The following ZNF226 variants were observed in gnomAD, a reference collection of about 807,000 sequenced individuals.
The protein encoded by ZNF226 is Kruppel-associated box protein.
Under a neutral mutation model 11.4 loss-of-function variants are expected in ZNF226, and 6 were observed. The ratio of observed to expected loss-of-function variants is 0.53; its 90% confidence interval spans 0.29 to 1.04. The LOEUF is 1.04. Among genes scored for constraint, ZNF226 ranks in the 50% least tolerant of loss-of-function variants. The probability of loss-of-function intolerance (pLI) is 0.08; values close to 1 mark genes in which losing one functional copy is unlikely to be tolerated. For synonymous variants in ZNF226, 350 were observed against 322.8 expected (o/e 1.08, Z -0.90); for missense variants, 1,058 against 956.5 (o/e 1.11, Z -1.40).
chr19:44,175,826 G>A lies in ZNF226; in HGVS notation c.564G>A (p.Gln188=), dbSNP rs1187470669. 6.2e-7 allele frequency: 1 copy of A among 1,613,544 alleles called. No individual in the cohort carries two copies. The highest frequency in any genetic ancestry group is 1.7e-5 in the Admixed American group (1 of 59,962). Residue 188 remains glutamine, a synonymous_variant, in exon 6 of 6, where the codon CAG becomes CAA. Transcript: ENST00000337433. ...AGTCACAGAGATTGAACAGAGATCA[G>A]CAAATTTCCATAAAAAATAAATTAT... ...LTESQRLNRD[Q]QISIKNKLCQ... is the part of the protein sequence containing the mutation.
At position 44,176,690 on chromosome 19, in the gene ZNF226, AT is replaced by A. The variant is rs1489023366; in HGVS notation, c.1429del (p.Cys477ValfsTer10). 7 of 1,613,642 alleles carry A rather than the reference AT, an allele frequency of 4.3e-6. No homozygotes were observed. Among genetic ancestry groups the A allele is most frequent in the Admixed American group, 1.7e-5 (1 of 59,976 alleles). ...GVHTGEKSYI[C>X]TVCGKGFTLS... is the part of the protein sequence containing the mutation. ...TTCACACTGGAGAGAAGTCATACAT[AT>A]GTACTGTATGTGGGAAAGGCTTTAC... On this transcript the variant is annotated frameshift_variant, in exon 6 of 6. Transcript: ENST00000337433. LOFTEE classifies it low-confidence loss of function (END_TRUNC).
chr19:44,177,796 C>CAT (rs1466975692), downstream of ZNF226: 2 of 1,132,216 alleles, frequency 1.8e-6, no homozygotes, highest in African/African-American at 3.2e-5. Flanking sequence ...TTATGATTAG[C>CAT]ATAGCAAGGG....
intron 2 of ZNF226, among the ~76,000 whole-genome samples, chr19:44,166,338 T>C (rs998108254): frequency 6.6e-6 from 1 of 152,072 alleles, no homozygotes; most frequent in African/African-American, 2.4e-5. Context: ...CCATCTCTAC[T>C]AAAAATACAA....
At chr19:44,182,246 C>G (rs1483332315), downstream of ZNF226, among the ~76,000 whole-genome samples, 3 of 152,222 alleles carry the variant, frequency 2.0e-5, no homozygotes, top group East Asian at 5.8e-4. Flanking sequence ...ACATTTTGGA[C>G]TGGATAGCTC....
At chr19:44,168,044 TAAC>T (rs1969606854) in intron 2 of ZNF226, among the ~76,000 whole-genome samples, 1 of 152,196 alleles carries the variant, frequency 6.6e-6, no homozygotes, top group Non-Finnish European at 1.5e-5. Flanking sequence ...TTGTCACTGA[TAAC>T]AAAGTGGTCA....
chr19:44,190,528 G>T, the ZNF226 span, among the ~76,000 whole-genome samples: 1 of 151,838 alleles, frequency 6.6e-6, no homozygotes, highest in Non-Finnish European at 1.5e-5. Flanking sequence ...GTAGAGATGG[G>T]GTTTCACCAT....
At chr19:44,190,656 T>C in the ZNF226 span, among the ~76,000 whole-genome samples, 1 of 152,110 alleles carries the variant, frequency 6.6e-6, no homozygotes, top group Non-Finnish European at 1.5e-5. Context: ...ATTTTAAACC[T>C]CCTTGAGTCT....
At chr19:44,182,338 T>TGCGC (rs538435042), downstream of ZNF226, among the ~76,000 whole-genome samples, 2 of 148,962 alleles carry the variant, frequency 1.3e-5, no homozygotes, top group African/African-American at 5.2e-5. Flanking sequence ...GCACACGTGA[T>TGCGC]GCGCGCGCGC....
At chr19:44,196,044 T>G in the ZNF226 span, among the ~76,000 whole-genome samples, 4 of 152,002 alleles carry the variant, frequency 2.6e-5, no homozygotes, top group African/African-American at 7.3e-5. Context: ...ATAGTTTTTT[T>G]TTTTCCCAGA....
At chr19:44,170,363 G>A (rs984349720) in intron 3 of ZNF226, among the ~76,000 whole-genome samples, 12 of 152,300 alleles carry the variant, frequency 7.9e-5, no homozygotes, top group Non-Finnish European at 1.3e-4. Flanking sequence ...TTGGGAGGCC[G>A]AGGCAGGGGG....
At chr19:44,175,075 A>G in intron 5 of ZNF226, 4 of 1,606,828 alleles carry the variant, frequency 2.5e-6, no homozygotes, top group Non-Finnish European at 3.4e-6. Context: ...AGTCATTTAT[A>G]TATGAAGAAA....
chr19:44,183,980 T>A, the ZNF226 span, among the ~76,000 whole-genome samples: 1 of 152,162 alleles, frequency 6.6e-6, no homozygotes, highest in African/African-American at 2.4e-5. Context: ...ATGGACTAAA[T>A]CTCCTGCAAC....
chr19:44,171,579 G>C (rs1030321051), intron 3 of ZNF226, among the ~76,000 whole-genome samples: 7 of 152,116 alleles, frequency 4.6e-5, no homozygotes, highest in African/African-American at 1.7e-4. Context: ...AAATAGAAAA[G>C]GGCTTGTGAA....
intron 3 of ZNF226, among the ~76,000 whole-genome samples, chr19:44,170,910 CAAA>C (rs58130876): frequency 1.2e-5 from 1 of 85,822 alleles, no homozygotes. Context: ...GACTCTGTCT[CAAA>C]AAAAAAAAAA....
At chr19:44,173,056 C>T in intron 5 of ZNF226, 104 bp downstream of exon 5, 5 of 1,066,416 alleles carry the variant, frequency 4.7e-6, no homozygotes, top group Non-Finnish European at 7.0e-6. Flanking sequence ...ACTGTCTTTC[C>T]TGGATTATTG....
Position 44,168,998 on chromosome 19 carries a change from C to CTTTTTT in ZNF226, c.-46-1014_-46-1009dup, listed in dbSNP as rs34967576. ...TATAGACTCAGGTTCCTCCCTTTTC[C>CTTTTTT]TTTTTTTTTTTTTTTTTTTTTTTTT... On this transcript the variant is annotated intron_variant, in intron 2 of 5. Transcript: ENST00000337433. Among the ~76,000 whole-genome samples, 102 of 90,806 alleles carry CTTTTTT rather than the reference C, an allele frequency of 1.1e-3. 19 individuals carry two copies. Among genetic ancestry groups the CTTTTTT allele is most frequent in the African/African-American group, 4.6e-3 (77 of 16,814 alleles). The allele number at this position is 90,806 out of a possible 152,430, so 59.6% of individuals were successfully genotyped here.
chr19:44,176,039 A>G lies in ZNF226; in HGVS notation c.777A>G (p.Lys259=), dbSNP rs761998150. 5 of 1,613,936 alleles carry G rather than the reference A, an allele frequency of 3.1e-6. No individual in the cohort carries two copies. In the South Asian group the frequency reaches 5.5e-5, roughly 18 times the overall value. Residue 259 remains lysine (K), a synonymous_variant, in exon 6 of 6, where the codon AAA becomes AAG. Coordinates refer to ENST00000337433, the MANE Select transcript of ZNF226 (RefSeq NM_001032373.2). ...QKSYQCNECK[K]PFSDLSSFDL... ...CGTACCAGTGTAATGAGTGTAAAAAACCCTTCAGTGATCTCTCCAGCTTTG... is the reference window on the plus strand; with the variant it reads ...CGTACCAGTGTAATGAGTGTAAAAAGCCCTTCAGTGATCTCTCCAGCTTTG...
At chr19:44,170,229 C>T in intron 3 of ZNF226, 134 bp downstream of exon 3, 2 of 758,450 alleles carry the variant, frequency 2.6e-6, no homozygotes, top group Non-Finnish European at 4.0e-6. Flanking sequence ...TTATTTTGTT[C>T]CGTTTGAGTT....
At chr19:44,168,552 T>A (rs1969671014) in intron 2 of ZNF226, among the ~76,000 whole-genome samples, 1 of 152,222 alleles carries the variant, frequency 6.6e-6, no homozygotes, top group African/African-American at 2.4e-5. Flanking sequence ...TCTTTTTTGC[T>A]CTCGATATCT....
Sources: gnomAD v4.1 joint callset for allele counts (sites outside exome capture counted in the v4.1 genomes callset) on GRCh38, gnomAD v4.1.1 for gene constraint, MANE v1.5 for transcripts, NCBI Gene and HGNC (gene_info 2026-07-23, HGNC 2026-07-21) for gene names.